ITGA9: variants seen among roughly 807,000 people sequenced by gnomAD.
ITGA9 encodes integrin alpha-9.
ITGA9 carries 56 observed loss-of-function variants against 127.8 expected under a neutral mutation model. The observed-to-expected ratio is 0.44, with a 90% confidence interval of 0.35 to 0.55. The LOEUF is 0.55. Among genes scored for constraint, ITGA9 ranks in the 20% least tolerant of loss-of-function variants. The pLI is 0.00. For synonymous variants in ITGA9, 508 were observed against 514.5 expected (o/e 0.99, Z 0.17); for missense variants, 1,196 against 1,347.1 (o/e 0.89, Z 1.76).
At chr3:37,486,552 A>G (rs1013177839) in intron 4 of ITGA9, among the ~76,000 whole-genome samples, 2 of 152,234 alleles carry the variant, frequency 1.3e-5, no homozygotes, top group African/African-American at 2.4e-5. Context: ...TTAATTTTCA[A>G]GCAACATAAT....
intron 5 of ITGA9, among the ~76,000 whole-genome samples, chr3:37,496,710 G>T (rs1185355434): frequency 3.9e-5 from 6 of 152,058 alleles, no homozygotes; most frequent in Non-Finnish European, 7.4e-5. Flanking sequence ...GCCTTCCCTT[G>T]GCCTCCCAGC....
rs1179645965 is a variant in ITGA9, at chr3:37,452,480, C to G, written c.106C>G (p.Arg36Gly). The part of the protein sequence containing the change: ...PAGAYNLDPQ[R>G]PVHFQGPADS... ...GGGCGCCTACAACCTCGACCCGCAG[C>G]GCCCCGTGCACTTCCAGGGCCCCGC... The change falls in exon 1 of 28, where the codon CGC becomes GGC. Residue 36 changes from arginine (R) to glycine (G), a missense_variant. Transcript: ENST00000264741. The surrounding 1 kb of genome is among the most constrained non-coding windows in gnomAD (Gnocchi z 7.3). 1.3e-6 allele frequency: 2 copies of G among 1,510,180 alleles called. No homozygotes were observed. Among genetic ancestry groups the G allele is most frequent in the African/African-American group, 2.9e-5 (2 of 68,836 alleles). 93.5% of individuals were successfully genotyped at this position (1,510,180 alleles called of 1,614,324 possible).
At chr3:37,648,760 G>A (rs1700402567) in intron 16 of ITGA9, among the ~76,000 whole-genome samples, 1 of 152,034 alleles carries the variant, frequency 6.6e-6, no homozygotes, top group Admixed American at 6.6e-5. Flanking sequence ...GAAACTCGTT[G>A]GTAAAGGTAA....
chr3:37,707,247 G>A (rs1701017026), intron 18 of ITGA9, among the ~76,000 whole-genome samples: 1 of 152,096 alleles, frequency 6.6e-6, no homozygotes, highest in Admixed American at 6.5e-5. Context: ...ATGTACTTCA[G>A]TAATTTGCAA....
intron 23 of ITGA9, among the ~76,000 whole-genome samples, chr3:37,761,328 C>T (rs1030933547): frequency 6.6e-6 from 1 of 152,142 alleles, no homozygotes; most frequent in South Asian, 2.1e-4. Context: ...TCAACAATTC[C>T]ACTTTTAGGA....
At chr3:37,710,033 C>T (rs1335413494) in intron 18 of ITGA9, among the ~76,000 whole-genome samples, 1 of 151,678 alleles carries the variant, frequency 6.6e-6, no homozygotes, top group African/African-American at 2.4e-5. Context: ...TGTGATAGAG[C>T]AAACCAAGTT....
chr3:37,563,243 T>C (rs1699511978), intron 15 of ITGA9, among the ~76,000 whole-genome samples: 1 of 152,224 alleles, frequency 6.6e-6, no homozygotes, highest in African/African-American at 2.4e-5. Flanking sequence ...TTGGTTATCA[T>C]GGGTAGACTA....
At chr3:37,475,302 T>C (rs1698481626) in intron 3 of ITGA9, among the ~76,000 whole-genome samples, 2 of 152,248 alleles carry the variant, frequency 1.3e-5, no homozygotes, top group African/African-American at 4.8e-5. Flanking sequence ...CGTGGCAGCA[T>C]AACACAAGAT....
chr3:37,735,186 C>T (rs1244282587), intron 19 of ITGA9, among the ~76,000 whole-genome samples: 2 of 152,198 alleles, frequency 1.3e-5, no homozygotes, highest in Non-Finnish European at 2.9e-5. Flanking sequence ...TGGCTTCTCA[C>T]CCAATTCTTT....
At chr3:37,733,931 C>T (rs1160250377) in intron 19 of ITGA9, among the ~76,000 whole-genome samples, 3 of 152,188 alleles carry the variant, frequency 2.0e-5, no homozygotes, top group Non-Finnish European at 4.4e-5. Context: ...CTTAGTGTAC[C>T]ACTCCCAGTG....
At chr3:37,637,287 T>C (rs1175603908) in intron 16 of ITGA9, among the ~76,000 whole-genome samples, 1 of 152,220 alleles carries the variant, frequency 6.6e-6, no homozygotes, top group Non-Finnish European at 1.5e-5. Context: ...CTTCCGTTTG[T>C]TTGTATCCTC....
chr3:37,767,830 A>G (rs947235036), intron 23 of ITGA9, among the ~76,000 whole-genome samples: 9 of 152,214 alleles, frequency 5.9e-5, no homozygotes, highest in African/African-American at 2.2e-4. Flanking sequence ...CATTCTTCAG[A>G]AGGATCTCCC....
intron 19 of ITGA9, among the ~76,000 whole-genome samples, chr3:37,733,297 G>C (rs1056967327): frequency 6.6e-6 from 1 of 152,016 alleles, no homozygotes; most frequent in African/African-American, 2.4e-5. Context: ...AGTCACTTTG[G>C]TATTGGTATG....
intron 5 of ITGA9, among the ~76,000 whole-genome samples, chr3:37,498,038 G>T (rs758191948): frequency 5.3e-5 from 8 of 152,222 alleles, no homozygotes; most frequent in African/African-American, 9.6e-5. Context: ...CAAGGGGCTG[G>T]GTGGCCAGGG....
intron 18 of ITGA9, among the ~76,000 whole-genome samples, chr3:37,695,407 C>T (rs562443743): frequency 6.6e-5 from 10 of 152,314 alleles, no homozygotes; most frequent in African/African-American, 2.4e-4. Flanking sequence ...GGATATATTA[C>T]AAGCATATTG....
rs1384229541 is a variant in ITGA9, at chr3:37,486,791, A to T, written c.544+5184A>T. ...ACTCATGCCATGTTTAAATGTTCTT[A>T]AATTTGGGATTGTTGAAGTCTGAAT... is the stretch of plus-strand genomic sequence containing the variant. On this transcript the variant is annotated intron_variant, in intron 4 of 27. Transcript: ENST00000264741. Among the ~76,000 whole-genome samples, 8 of 152,344 alleles carry T rather than the reference A, an allele frequency of 5.3e-5. No homozygotes were observed. In the East Asian group the frequency reaches 1.5e-3, roughly 29 times the overall value.
intron 23 of ITGA9, among the ~76,000 whole-genome samples, chr3:37,757,049 A>T (rs976205145): frequency 6.6e-6 from 1 of 151,826 alleles, no homozygotes; most frequent in African/African-American, 2.4e-5. Context: ...CACTACTTAC[A>T]TGTGGAAAAT....
chr3:37,732,826 C>T, intron 19 of ITGA9, 28 bp downstream of exon 19: 2 of 1,527,210 alleles, frequency 1.3e-6, no homozygotes, highest in South Asian at 1.2e-5. Context: ...GACCCTTCCT[C>T]AGCAGCAGGC....
intron 6 of ITGA9, among the ~76,000 whole-genome samples, chr3:37,505,714 A>G (rs1450770345): frequency 6.6e-6 from 1 of 152,208 alleles, no homozygotes; most frequent in Non-Finnish European, 1.5e-5. Context: ...TATGAAAACT[A>G]TGCCTTGAAA....
Sources: gnomAD v4.1 joint callset for allele counts (sites outside exome capture counted in the v4.1 genomes callset) on GRCh38, gnomAD v4.1.1 for gene constraint, Gnocchi (gnomAD v3.1) non-coding constraint, MANE v1.5 for transcripts, NCBI Gene and HGNC (gene_info 2026-07-23, HGNC 2026-07-21) for gene names.